Variants in CRYGN observed in about 807,000 individuals in gnomAD.
CRYGN encodes crystallin gamma N.
CRYGN carries 17 observed loss-of-function variants against 19.2 expected under a neutral mutation model. The observed-to-expected ratio is 0.89, with a 90% CI of 0.61 to 1.33. The LOEUF is 1.33. Among genes scored for constraint, CRYGN ranks in the 40% most tolerant of loss-of-function variants. The pLI is 0.00. For synonymous variants in CRYGN, 84 were observed against 85.8 expected (o/e 0.98, Z 0.12); for missense variants, 239 against 239.6 (o/e 1.00, Z 0.02).
intron 2 of CRYGN, 50 bp downstream of exon 2, chr7:151,437,946 T>A: frequency 6.2e-7 from 1 of 1,605,224 alleles, no homozygotes; most frequent in Non-Finnish European, 8.5e-7. Flanking sequence ...GGGCTGACCC[T>A]CGGTCCCTCC....
chr7:151,430,032 TC>T lies in CRYGN; in HGVS notation c.*15del, dbSNP rs1225909839. The T allele has an allele frequency of 1.3e-5, 12 of 899,740 alleles. No individual in the cohort carries two copies. The Middle Eastern group carries it at 1.1e-3, about 80-fold the overall frequency. 55.7% of individuals were successfully genotyped at this position (899,740 alleles called of 1,614,324 possible). On this transcript the variant is annotated 3_prime_UTR_variant, in exon 4 of 4. Coordinates refer to ENST00000337323, the MANE Select transcript of CRYGN (RefSeq NM_144727.3). The surrounding 1 kb of genome is among the most constrained non-coding windows in gnomAD (Gnocchi z 5.2). Reference sequence around the variant, plus strand: ...GAAACGGTGCAGGTGCATTTACATGTCAATCGGTTCCAGGCTCAGAGGTTTG... The same window carrying T: ...GAAACGGTGCAGGTGCATTTACATGTAATCGGTTCCAGGCTCAGAGGTTTG...
intron 3 of CRYGN, chr7:151,432,294 C>T (rs779715959): frequency 3.3e-6 from 4 of 1,227,558 alleles, no homozygotes; most frequent in Non-Finnish European, 4.1e-6. Flanking sequence ...ACCTGGAGGC[C>T]AGGGGAGTGG....
chr7:151,436,391 G>T lies in CRYGN; in HGVS notation c.271-66C>A. On this transcript the variant is annotated intron_variant, in intron 2 of 3. Coordinates refer to ENST00000337323, the MANE Select transcript of CRYGN (RefSeq NM_144727.3). The surrounding 1 kb of genome is among the most constrained non-coding windows in gnomAD (Gnocchi z 5.1). ...TGTGAATTCCCCTCTCCCAGAAACA[G>T]AAGCCCCATGCAGGAAGGAATTAGG... The T allele has an allele frequency of 7.0e-7, 1 of 1,432,234 alleles. No individual in the cohort carries two copies. Among genetic ancestry groups the T allele is most frequent in the Non-Finnish European group, 9.3e-7 (1 of 1,077,614 alleles). 88.7% of individuals were successfully genotyped at this position (1,432,234 alleles called of 1,614,324 possible).
Position 151,436,196 on chromosome 7 carries a change from C to A in CRYGN, c.400G>T (p.Val134Leu). ...WVKNCVNTIK[V>L]YGDGAAWSPR... ...TGTACTCACGCTCCGTCCCCGTACA[C>A]CTTGATGGTGTTCACACAGTTCTTG... Residue 134 changes from valine to leucine, a missense_variant, in exon 3 of 4, where the codon GTG becomes TTG. Val to Leu is a conservative substitution (Grantham distance 32, BLOSUM62 1). Transcript: ENST00000337323. The surrounding 1 kb of genome is among the most constrained non-coding windows in gnomAD (Gnocchi z 5.1). 6.4e-7 allele frequency: 1 copy of A among 1,555,360 alleles called. No homozygotes were observed. Among genetic ancestry groups the A allele is most frequent in the African/African-American group, 1.4e-5 (1 of 72,728 alleles).
At position 151,430,906 on chromosome 7, in the gene CRYGN, CTG is replaced by C. The variant is rs1801448794; in HGVS notation, c.417-728_417-727del. Among the ~76,000 whole-genome samples, 1 of 152,180 alleles carries C rather than the reference CTG, an allele frequency of 6.6e-6. No individual in the cohort carries two copies. Among genetic ancestry groups the C allele is most frequent in the Non-Finnish European group, 1.5e-5 (1 of 68,030 alleles). ...AGGAGTCAGATCCACAGCCAGAACT[CTG>C]TGGGCACACGGGTGATCCAACCCAT... On this transcript the variant is annotated intron_variant, in intron 3 of 3. Coordinates refer to ENST00000337323, the MANE Select transcript of CRYGN (RefSeq NM_144727.3). The surrounding 1 kb of genome is among the most constrained non-coding windows in gnomAD (Gnocchi z 5.2).
rs776570342 is a variant in CRYGN, at chr7:151,436,377, C to T, written c.271-52G>A. On this transcript the variant is annotated intron_variant, in intron 2 of 3. Coordinates refer to ENST00000337323, the MANE Select transcript of CRYGN (RefSeq NM_144727.3). This position sits in a 1 kb window ranked among gnomAD's most constrained non-coding sequence, Gnocchi z 5.1. The stretch of plus-strand genomic sequence containing the variant: ...AAGAAGGAGGTTGCTGTGAATTCCC[C>T]TCTCCCAGAAACAGAAGCCCCATGC... 8 of 1,457,492 alleles carry T rather than the reference C, an allele frequency of 5.5e-6. No individual in the cohort carries two copies. The African/African-American group carries it at 7.2e-5, about 13-fold the overall frequency. The allele number at this position is 1,457,492 out of a possible 1,614,324, so 90.3% of individuals were successfully genotyped here. A position where few individuals can be genotyped will look rare whatever the true frequency, so the allele number is the denominator to read the frequency against.
chr7:151,429,876 AG>A lies in CRYGN; in HGVS notation c.*171del, dbSNP rs1801424572. 3.1e-6 allele frequency: 2 copies of A among 641,042 alleles called. No homozygotes were observed. Among genetic ancestry groups the A allele is most frequent in the South Asian group, 3.6e-5 (2 of 54,952 alleles). The allele number at this position is 641,042 out of a possible 1,614,324, so 39.7% of individuals were successfully genotyped here. On this transcript the variant is annotated 3_prime_UTR_variant, in exon 4 of 4. Transcript: ENST00000337323. ...GTTGGACGGCTGTTTCAGAAGAGAC[AG>A]GGCCCTTGCCATGGGTGGGGAGGGC...
At chr7:151,440,269 G>T, upstream of CRYGN, 1 of 388,268 alleles carries the variant, frequency 2.6e-6, no homozygotes, top group Non-Finnish European at 4.5e-6. Flanking sequence ...CCCCTGCGCT[G>T]CCCCTCAGCC....
At chr7:151,439,563 A>ATTG (rs1741102014) in intron 1 of CRYGN, among the ~76,000 whole-genome samples, 1 of 152,162 alleles carries the variant, frequency 6.6e-6, no homozygotes. Flanking sequence ...AGCCTTGGGC[A>ATTG]AAGAAGCCGC....
In CRYGN at chr7:151,439,944, C is replaced by A; in HGVS notation, c.-27G>T. The A allele has an allele frequency of 6.6e-7, 1 of 1,524,964 alleles. No homozygotes were observed. Among genetic ancestry groups the A allele is most frequent in the Non-Finnish European group, 8.8e-7 (1 of 1,136,292 alleles). The allele number at this position is 1,524,964 out of a possible 1,614,324, so 94.5% of individuals were successfully genotyped here. On this transcript the variant is annotated 5_prime_UTR_variant, in exon 1 of 4. Coordinates refer to ENST00000337323, the MANE Select transcript of CRYGN (RefSeq NM_144727.3). ...GTGCGCCCCGCCCCTTCCGCGGGTC[C>A]CCGTTTACACCGGGCAGCGCCCTGC...
At chr7:151,432,373 C>T (rs1454050071) in intron 3 of CRYGN, 1 of 743,484 alleles carries the variant, frequency 1.3e-6, no homozygotes, top group Non-Finnish European at 1.8e-6. Context: ...GGCCACCCAG[C>T]AACCCCTCCC....
chr7:151,437,753 A>G, intron 2 of CRYGN: 5 of 1,277,034 alleles, frequency 3.9e-6, no homozygotes, highest in Non-Finnish European at 5.2e-6. Context: ...TTGGCTCCGA[A>G]ACTTAAAGTG....
At chr7:151,439,483 T>G (rs1801706331) in intron 1 of CRYGN, among the ~76,000 whole-genome samples, 1 of 151,960 alleles carries the variant, frequency 6.6e-6, no homozygotes, top group Non-Finnish European at 1.5e-5. Context: ...CCCTCAAATC[T>G]CAACATTTTT....
At position 151,440,104 on chromosome 7, in the gene CRYGN, C is replaced by T. The variant is rs1801726658; in HGVS notation, c.-187G>A. ...CCACCCTGTGCCACCGCGAGTGCAG[C>T]CCGCCCTGCCCGGGGTCTCCCTGTG... On this transcript the variant is annotated 5_prime_UTR_variant, in exon 1 of 4. Transcript: ENST00000337323. 7.3e-7 allele frequency: 1 copy of T among 1,362,434 alleles called. No homozygotes were observed. Among genetic ancestry groups the T allele is most frequent in the Non-Finnish European group, 9.4e-7 (1 of 1,062,694 alleles). The allele number at this position is 1,362,434 out of a possible 1,614,324, so 84.4% of individuals were successfully genotyped here.
In CRYGN at chr7:151,435,395, G is replaced by A. The variant is rs1308695544; in HGVS notation, c.416+785C>T. 3.3e-5 allele frequency among the ~76,000 whole-genome samples: 5 copies of A among 152,160 alleles called. No homozygotes were observed. Among genetic ancestry groups the A allele is most frequent in the South Asian group, 2.1e-4 (1 of 4,832 alleles). On this transcript the variant is annotated intron_variant, in intron 3 of 3. Coordinates refer to ENST00000337323, the MANE Select transcript of CRYGN (RefSeq NM_144727.3). The surrounding 1 kb of genome is among the most constrained non-coding windows in gnomAD (Gnocchi z 4.2). ...AGTCTCAGCTTGCCCTTTGTAGAACGGGGGCGATAATATCTACCTGACCTA... is the reference window on the plus strand; with the variant it reads ...AGTCTCAGCTTGCCCTTTGTAGAACAGGGGCGATAATATCTACCTGACCTA...
At chr7:151,440,292 T>G, upstream of CRYGN, 1 of 320,430 alleles carries the variant, frequency 3.1e-6, no homozygotes. Context: ...CACGCCCATC[T>G]CCCTCCCTCC....
rs181688175 is a variant in CRYGN at position 151,438,108 on chromosome 7, T to C, written c.158A>G (p.Asn53Ser). 9.1e-5 allele frequency: 147 copies of C among 1,614,140 alleles called. 1 individual carries two copies. The East Asian group carries it at 2.2e-3, about 24-fold the overall frequency. ...CTGCTGGCCCCGGAAGTCGGGGTGA[T>C]TGAAGCAGACCCAGGCTCCGCTCTC... ...HVESGAWVCF[N>S]HPDFRGQQFI... The change falls in exon 2 of 4, where the codon AAT (asparagine) becomes AGT (serine). Residue 53 changes from asparagine (N) to serine (S), a missense_variant. By Grantham distance (46) the Asn-to-Ser change is conservative. Coordinates refer to ENST00000337323, the MANE Select transcript of CRYGN (RefSeq NM_144727.3).
chr7:151,436,100 T>A lies in CRYGN; in HGVS notation c.416+80A>T. 8.6e-7 allele frequency: 1 copy of A among 1,160,448 alleles called. No homozygotes were observed. The highest frequency in any genetic ancestry group is 1.1e-6 in the Non-Finnish European group (1 of 890,156). The allele number at this position is 1,160,448 out of a possible 1,614,324, so 71.9% of individuals were successfully genotyped here. ...TCATTCCCACCCCACCCACCACCCC[T>A]GTGTGGCGGGCAGCCTCCCACGCCT... On this transcript the variant is annotated intron_variant, in intron 3 of 3. Transcript: ENST00000337323. The surrounding 1 kb of genome is among the most constrained non-coding windows in gnomAD (Gnocchi z 5.1).
In CRYGN at chr7:151,429,993, A is replaced by G. The variant is rs1801426303; in HGVS notation, c.*55T>C. On this transcript the variant is annotated 3_prime_UTR_variant, in exon 4 of 4. Transcript: ENST00000337323. The stretch of plus-strand genomic sequence containing the variant: ...ACTGAGGGCATGATTTTAAGTAAAC[A>G]CTCTCCCGGCTCAGAAACGGTGCAG... 1 of 799,198 alleles carries G rather than the reference A, an allele frequency of 1.3e-6. No homozygotes were observed. The highest frequency in any genetic ancestry group is 2.3e-6 in the Non-Finnish European group (1 of 435,900). The allele number at this position is 799,198 out of a possible 1,614,324, so 49.5% of individuals were successfully genotyped here.
Sources: allele counts gnomAD v4.1 joint callset (sites outside exome capture counted in the v4.1 genomes callset), GRCh38; gene constraint gnomAD v4.1.1; non-coding constraint Gnocchi (gnomAD v3.1); transcripts MANE v1.5; gene names NCBI Gene and HGNC (gene_info 2026-07-23, HGNC 2026-07-21).